The following DCC variants were observed in gnomAD, a reference collection of about 807,000 sequenced individuals.
DCC encodes netrin receptor DCC.
A neutral mutation model predicts 172.5 loss-of-function variants in DCC; 58 were observed. That is an observed-to-expected ratio of 0.34 (90% CI 0.27 to 0.42). The LOEUF is 0.42. Ranked by LOEUF, DCC falls within the 10% of genes least tolerant of loss-of-function variation. The pLI, the probability that DCC is intolerant of heterozygous loss-of-function variation, is 1.00. For synonymous variants in DCC, 709 were observed against 644.5 expected (o/e 1.10, Z -1.52); for missense variants, 1,740 against 1,791.0 (o/e 0.97, Z 0.51).
chr18:52,646,443 A>T (rs2035020261), intron 1 of DCC, among the ~76,000 whole-genome samples: 3 of 152,060 alleles, frequency 2.0e-5, no homozygotes, highest in Non-Finnish European at 4.4e-5. Context: ...TAATACCTGG[A>T]TTTAGCACAG....
rs2046521243 is a variant in DCC, at chr18:53,531,123, A to G, written c.*470A>G. ...TTAAACATACAAAGCACCCATGGGAATCTCTCATGCCATAGCACCAAAGGA... is the reference window on the plus strand; with the variant it reads ...TTAAACATACAAAGCACCCATGGGAGTCTCTCATGCCATAGCACCAAAGGA... On this transcript the variant is annotated 3_prime_UTR_variant, in exon 29 of 29. Coordinates refer to ENST00000442544, the MANE Select transcript of DCC (RefSeq NM_005215.4). The G allele has an allele frequency of 4.7e-6, 1 of 211,878 alleles. No homozygotes were observed. Among genetic ancestry groups the G allele is most frequent in the Admixed American group, 5.1e-5 (1 of 19,512 alleles). 13.1% of individuals were successfully genotyped at this position (211,878 alleles called of 1,614,324 possible). A position where few individuals can be genotyped will look rare whatever the true frequency, so the allele number is the denominator to read the frequency against.
At chr18:52,587,622 G>T (rs926071256) in intron 1 of DCC, among the ~76,000 whole-genome samples, 1 of 152,114 alleles carries the variant, frequency 6.6e-6, no homozygotes, top group Non-Finnish European at 1.5e-5. Context: ...CACACATCTG[G>T]CCATTTCTTC....
chr18:52,814,355 T>G lies in DCC; in HGVS notation c.412+61981T>G, dbSNP rs577165711. The stretch of plus-strand genomic sequence containing the variant: ...GAGACCTTGTGACCCATGACAAGTT[T>G]CCATCTTGACTGCTGTGAGGAGGAA... On this transcript the variant is annotated intron_variant, in intron 2 of 28. Transcript: ENST00000442544. Among the ~76,000 whole-genome samples the G allele has an allele frequency of 1.9e-4, 29 of 152,316 alleles. No individual in the cohort carries two copies. The South Asian group carries it at 6.0e-3, about 32-fold the overall frequency.
intron 2 of DCC, among the ~76,000 whole-genome samples, chr18:52,887,647 C>A (rs2039588852): frequency 6.6e-6 from 1 of 152,006 alleles, no homozygotes; most frequent in Non-Finnish European, 1.5e-5. Flanking sequence ...CTGTGGATAC[C>A]AGAGAATATC....
At chr18:52,904,293 A>G (rs990625814) in intron 2 of DCC, among the ~76,000 whole-genome samples, 16 of 152,200 alleles carry the variant, frequency 1.1e-4, no homozygotes, top group Non-Finnish European at 1.6e-4. Flanking sequence ...ATAATGAGTG[A>G]TATCCTTCAG....
chr18:53,407,060 G>C (rs796371138), intron 19 of DCC, among the ~76,000 whole-genome samples: 57 of 152,224 alleles, frequency 3.7e-4, no homozygotes, highest in African/African-American at 1.3e-3. Flanking sequence ...TGATCCCAGA[G>C]CTGTCATTTT....
At chr18:52,509,448 T>G (rs1310001138) in intron 1 of DCC, among the ~76,000 whole-genome samples, 1 of 152,176 alleles carries the variant, frequency 6.6e-6, no homozygotes, top group Non-Finnish European at 1.5e-5. Flanking sequence ...GATTTGACCA[T>G]GAATTGATTT....
intron 14 of DCC, among the ~76,000 whole-genome samples, chr18:53,327,387 TGTGATAGA>T (rs922956511): frequency 6.6e-6 from 1 of 152,144 alleles, no homozygotes; most frequent in Non-Finnish European, 1.5e-5. Context: ...TGAGAGAATT[TGTGATAGA>T]GTGATAGAGT....
intron 1 of DCC, among the ~76,000 whole-genome samples, chr18:52,581,155 C>A (rs1157315506): frequency 4.9e-5 from 1 of 20,312 alleles, no homozygotes; most frequent in African/African-American, 1.3e-4. Flanking sequence ...TATAGTTATA[C>A]ACACACAAAC....
chr18:52,374,994 A>G (rs763175581), intron 1 of DCC, among the ~76,000 whole-genome samples: 1 of 152,180 alleles, frequency 6.6e-6, no homozygotes, highest in Non-Finnish European at 1.5e-5. Context: ...ACTTGTCTAC[A>G]TGTCATTGCC....
intron 1 of DCC, among the ~76,000 whole-genome samples, chr18:52,640,011 C>G (rs1292218248): frequency 1.3e-5 from 2 of 152,070 alleles, no homozygotes; most frequent in Non-Finnish European, 2.9e-5. Flanking sequence ...AGAAGATATT[C>G]CACCATGATA....
chr18:52,553,568 G>A (rs900077080), intron 1 of DCC, among the ~76,000 whole-genome samples: 1 of 151,980 alleles, frequency 6.6e-6, no homozygotes, highest in African/African-American at 2.4e-5. Flanking sequence ...GGCAGGCACT[G>A]TGTGAATTTC....
chr18:52,586,102 A>C lies in DCC; in HGVS notation c.92-165952A>C, dbSNP rs955687479. On this transcript the variant is annotated intron_variant, in intron 1 of 28. Coordinates refer to ENST00000442544, the MANE Select transcript of DCC (RefSeq NM_005215.4). Reference sequence around the variant, plus strand: ...CGTCTCAAAAAAAAAAAAAAAAAAAAAAAAAACAAAAACACTGTCACACCT... The same window carrying C: ...CGTCTCAAAAAAAAAAAAAAAAAAACAAAAAACAAAAACACTGTCACACCT... Among the ~76,000 whole-genome samples the C allele has an allele frequency of 1.9e-4, 29 of 151,318 alleles. 1 individual carries two copies. Among genetic ancestry groups the C allele is most frequent in the East Asian group, 5.8e-4 (3 of 5,142 alleles).
chr18:52,609,057 C>T (rs1285038533), intron 1 of DCC, among the ~76,000 whole-genome samples: 1 of 152,150 alleles, frequency 6.6e-6, no homozygotes, highest in Non-Finnish European at 1.5e-5. Flanking sequence ...TGAATCCAGG[C>T]TCACACAGAT....
In DCC at chr18:53,535,508, G is replaced by C. The variant is rs962180414; in HGVS notation, c.*4855G>C. On this transcript the variant is annotated 3_prime_UTR_variant, in exon 29 of 29. Coordinates refer to ENST00000442544, the MANE Select transcript of DCC (RefSeq NM_005215.4). ...GCTTTGCAACTCAAACAGATTGTTA[G>C]TGTGCTAGTGATAAGTTTATTTGGT... 4 of 152,222 alleles carry C rather than the reference G, an allele frequency of 2.6e-5. No homozygotes were observed. Among genetic ancestry groups the C allele is most frequent in the African/African-American group, 9.6e-5 (4 of 41,454 alleles). The allele number at this position is 152,222 out of a possible 1,614,324, so 9.4% of individuals were successfully genotyped here.
chr18:52,503,408 G>A (rs2031106275), intron 1 of DCC, among the ~76,000 whole-genome samples: 1 of 152,100 alleles, frequency 6.6e-6, no homozygotes, highest in African/African-American at 2.4e-5. Context: ...TCTATTTGTT[G>A]TGCTAAATCT....
chr18:52,388,976 G>C (rs1445483077), intron 1 of DCC, among the ~76,000 whole-genome samples: 1 of 152,116 alleles, frequency 6.6e-6, no homozygotes, highest in Non-Finnish European at 1.5e-5. Context: ...ACCGAGGATA[G>C]CCATTCATCA....
rs536277464 is a variant in DCC, at chr18:53,105,880, A to G, written c.1261+39714A>G. 4.0e-5 allele frequency among the ~76,000 whole-genome samples: 6 copies of G among 151,546 alleles called. No individual in the cohort carries two copies. In the South Asian group the frequency reaches 8.4e-4, roughly 21 times the overall value. ...TCATTCTAGTGTGACCAACTTTTGA[A>G]TGTCCTCTTTAGTATATTTGTGAGT... is the stretch of plus-strand genomic sequence containing the variant. On this transcript the variant is annotated intron_variant, in intron 7 of 28. Coordinates refer to ENST00000442544, the MANE Select transcript of DCC (RefSeq NM_005215.4).
Position 53,530,377 on chromosome 18 carries a change from A to G in DCC, c.4255-187A>G, listed in dbSNP as rs753489837. 14 of 704,292 alleles carry G rather than the reference A, an allele frequency of 2.0e-5. No individual in the cohort carries two copies. Among genetic ancestry groups the G allele is most frequent in the Middle Eastern group, 4.6e-4 (2 of 4,392 alleles). The allele number at this position is 704,292 out of a possible 1,614,324, so 43.6% of individuals were successfully genotyped here. Reference sequence around the variant, plus strand: ...GATGGAGTGGGTGAAACAATATGCAATCTCTTATTATCCCCTTTTATTACC... The same window carrying G: ...GATGGAGTGGGTGAAACAATATGCAGTCTCTTATTATCCCCTTTTATTACC... On this transcript the variant is annotated intron_variant, in intron 28 of 28. Transcript: ENST00000442544.
Sources: gnomAD v4.1 joint callset for allele counts (sites outside exome capture counted in the v4.1 genomes callset) on GRCh38, gnomAD v4.1.1 for gene constraint, MANE v1.5 for transcripts, NCBI Gene and HGNC (gene_info 2026-07-23, HGNC 2026-07-21) for gene names.